Variants in EZH2 observed in about 807,000 individuals in gnomAD.
EZH2 encodes histone-lysine N-methyltransferase EZH2.
Under a neutral mutation model 98.4 loss-of-function variants are expected in EZH2, and 18 were observed. The ratio of observed to expected loss-of-function variants is 0.18; its 90% CI spans 0.13 to 0.27. The LOEUF (loss-of-function observed/expected upper bound fraction) is 0.27. EZH2 is among the 10% of genes least tolerant of loss of function. The pLI is 1.00. For missense variants in EZH2, 470 were observed against 935.1 expected, an observed-to-expected ratio of 0.50 and a Z score of 6.49; for synonymous variants, 338 against 312.3, an observed-to-expected ratio of 1.08 and a Z score of -0.87.
intron 1 of EZH2, among the ~76,000 whole-genome samples, chr7:148,853,295 C>T (rs1298535715): frequency 6.6e-6 from 1 of 152,096 alleles, no homozygotes; most frequent in Non-Finnish European, 1.5e-5. Context: ...GCCTGTAATC[C>T]CAGCTACTCA....
intron 3 of EZH2, among the ~76,000 whole-genome samples, chr7:148,834,671 T>C (rs549529906): frequency 9.1e-4 from 138 of 152,294 alleles, no homozygotes; most frequent in African/African-American, 3.2e-3. Context: ...ATAATACTAA[T>C]AAGGCTCTTA....
At chr7:148,881,585 G>A (rs768127718) in intron 1 of EZH2, among the ~76,000 whole-genome samples, 1 of 151,970 alleles carries the variant, frequency 6.6e-6, no homozygotes, top group Non-Finnish European at 1.5e-5. Flanking sequence ...ATATCTCATG[G>A]CAAGTACAAA....
At chr7:148,849,914 C>T (rs1366181568) in intron 1 of EZH2, among the ~76,000 whole-genome samples, 3 of 152,152 alleles carry the variant, frequency 2.0e-5, no homozygotes, top group Admixed American at 6.5e-5. Context: ...ACCTCTAGTC[C>T]ATCTGCTGCC....
intron 15 of EZH2, among the ~76,000 whole-genome samples, chr7:148,812,937 C>T (rs1803504703): frequency 6.6e-6 from 1 of 152,188 alleles, no homozygotes; most frequent in African/African-American, 2.4e-5. Context: ...AAGAGAACTT[C>T]AATGTTTTGC....
At chr7:148,816,025 TAAAG>T (rs957033983) in intron 12 of EZH2, among the ~76,000 whole-genome samples, 5 of 152,240 alleles carry the variant, frequency 3.3e-5, no homozygotes, top group Non-Finnish European at 7.3e-5. Context: ...TTATTTTTGT[TAAAG>T]TAAGAAAATG....
In EZH2 at chr7:148,846,531, T is replaced by C; in HGVS notation, c.185A>G (p.Gln62Arg). The C allele has an allele frequency of 1.2e-6, 2 of 1,613,976 alleles. No individual in the cohort carries two copies. Among genetic ancestry groups the C allele is most frequent in the African/African-American group, 1.3e-5 (1 of 75,022 alleles). ...RTEILNQEWK[Q>R]RRIQPVHILT... ...GATGTGCACAGGCTGTATCCTTCGC[T>C]GTTTCCATTCTTGGTTTAAGATTTC... Residue 62 changes from glutamine to arginine, a missense_variant, in exon 3 of 20, where the codon CAG (glutamine) becomes CGG (arginine). Physicochemically the swap from Gln to Arg is conservative, Grantham distance 43 (BLOSUM62 1). This residue lies in a region of EZH2 where 79 missense variants were observed against 122.1 expected (regional missense o/e 0.65). Transcript: ENST00000320356.
chr7:148,842,927 G>C (rs896562095), intron 3 of EZH2, among the ~76,000 whole-genome samples: 1 of 152,010 alleles, frequency 6.6e-6, no homozygotes, highest in Admixed American at 6.5e-5. Context: ...AAATTAGCCC[G>C]ATGTGCTCGG....
chr7:148,815,664 T>TCATG, intron 12 of EZH2, 118 bp from the exon 13 acceptor site: 1 of 880,616 alleles, frequency 1.1e-6, no homozygotes, highest in Non-Finnish European at 1.9e-6. Flanking sequence ...AAGCCAAGAG[T>TCATG]CATGCCCTGC....
rs41277440 is a variant in EZH2, at chr7:148,814,416, C to T, written c.1673-279G>A. On this transcript the variant is annotated intron_variant, in intron 14 of 19. Transcript: ENST00000320356. ...ATAAAGGGTCTGGATGGAACAATAT[C>T]CATGGTCCTTGACCATTCCAATAGC... 5.1e-3 allele frequency among the ~76,000 whole-genome samples: 776 copies of T among 152,206 alleles called. 3 individuals are homozygous for T. The highest frequency in any genetic ancestry group is 0.017 in the Middle Eastern group (5 of 294).
At chr7:148,866,694 A>G (rs536164643) in intron 1 of EZH2, among the ~76,000 whole-genome samples, 5 of 143,934 alleles carry the variant, frequency 3.5e-5, no homozygotes, top group South Asian at 2.1e-4. Context: ...GCATATATAT[A>G]TACATATATG....
intron 1 of EZH2, chr7:148,876,397 A>G (rs1455949440): frequency 6.6e-6 from 1 of 152,154 alleles, no homozygotes; most frequent in African/African-American, 2.4e-5. Flanking sequence ...AGGTGCATAC[A>G]TTTGTCAAAA....
chr7:148,841,480 A>G (rs1812425591), intron 3 of EZH2, among the ~76,000 whole-genome samples: 2 of 152,230 alleles, frequency 1.3e-5, no homozygotes, highest in South Asian at 4.1e-4. Flanking sequence ...ATGAGTGTAT[A>G]TGTTCAGACT....
chr7:148,877,828 A>T lies in EZH2; in HGVS notation c.-8+6336T>A, dbSNP rs184176957. Among the ~76,000 whole-genome samples the T allele has an allele frequency of 1.7e-3, 256 of 152,338 alleles. 5 individuals carry two copies. The highest frequency in any genetic ancestry group is 4.4e-4 in the Non-Finnish European group (30 of 68,038). ...TAAATGTAACTTTCTGAATGATTCA[A>T]ATAAACTCATTCTTCTCGGAGCTGA... On this transcript the variant is annotated intron_variant, in intron 1 of 19. Coordinates refer to ENST00000320356, the MANE Select transcript of EZH2 (RefSeq NM_004456.5).
chr7:148,831,828 T>C (rs554920759), intron 4 of EZH2, among the ~76,000 whole-genome samples: 1 of 152,356 alleles, frequency 6.6e-6, no homozygotes, highest in East Asian at 1.9e-4. Context: ...TATATATTTT[T>C]TATTTAGCAA....
At position 148,830,202 on chromosome 7, in the gene EZH2, T is replaced by C. The variant is rs181346492; in HGVS notation, c.364-354A>G. 3.0e-3 allele frequency among the ~76,000 whole-genome samples: 461 copies of C among 152,326 alleles called. 2 individuals are homozygous for C. Among genetic ancestry groups the C allele is most frequent in the Non-Finnish European group, 4.4e-3 (299 of 68,034 alleles). On this transcript the variant is annotated intron_variant, in intron 4 of 19. Coordinates refer to ENST00000320356, the MANE Select transcript of EZH2 (RefSeq NM_004456.5). ...CTGTTTTTCTGTTTTTGTTTTTTAATTGAGACGAGTGTCTCACTATGCTGC... is the reference window on the plus strand; with the variant it reads ...CTGTTTTTCTGTTTTTGTTTTTTAACTGAGACGAGTGTCTCACTATGCTGC...
At chr7:148,817,811 C>T (rs777058824) in intron 10 of EZH2, 66 bp downstream of exon 10, 24 of 1,603,854 alleles carry the variant, frequency 1.5e-5, no homozygotes, top group Non-Finnish European at 1.8e-5. Context: ...ATGCATTATA[C>T]ATCCTTAATC....
Position 148,828,775 on chromosome 7 carries a change from T to C in EZH2, c.590A>G (p.Glu197Gly), listed in dbSNP as rs749498698. The C allele has an allele frequency of 1.9e-6, 3 of 1,613,856 alleles. No individual in the cohort carries two copies. Among genetic ancestry groups the C allele is most frequent in the African/African-American group, 2.7e-5 (2 of 74,996 alleles). ...ATCCTCCAGATCTTTCTGCTTTTCT[T>C]CTCTTTCTTCAGGATCGTCTCCATC... ...DDDGDDPEER[E>G]EKQKDLEDHR... Residue 197 changes from glutamate to glycine, a missense_variant, in exon 6 of 20, where the codon GAA (glutamate) becomes GGA (glycine). Physicochemically the swap from Glu to Gly is moderately conservative, Grantham distance 98 (BLOSUM62 -2). This residue lies in a region of EZH2 where 69 missense variants were observed against 78.3 expected (regional missense o/e 0.88). Transcript: ENST00000320356.
At chr7:148,829,937 A>C (rs1175493598) in intron 4 of EZH2, 89 bp from the exon 5 acceptor site, 5 of 967,228 alleles carry the variant, frequency 5.2e-6, no homozygotes, top group Non-Finnish European at 7.4e-6. Flanking sequence ...TCATGTGTAC[A>C]TGTCTTTACC....
intron 1 of EZH2, among the ~76,000 whole-genome samples, chr7:148,864,898 G>A (rs1353434375): frequency 1.3e-5 from 2 of 152,020 alleles, no homozygotes; most frequent in East Asian, 3.9e-4. Flanking sequence ...AGGCCAAGGC[G>A]GGCGAATCAC....
Sources: gnomAD v4.1 joint callset for allele counts (sites outside exome capture counted in the v4.1 genomes callset) on GRCh38, gnomAD v4.1.1 for gene constraint, gnomAD v4.1.1 regional missense constraint, MANE v1.5 for transcripts, NCBI Gene and HGNC (gene_info 2026-07-23, HGNC 2026-07-21) for gene names.